TANC2: variants seen among roughly 807,000 people sequenced by gnomAD.
TANC2 encodes protein TANC2.
In TANC2, 26 loss-of-function variants were observed where a neutral mutation model predicts 210.5. The ratio of observed to expected loss-of-function variants is 0.12; its 90% CI spans 0.09 to 0.17. The LOEUF is 0.17. TANC2 is among the 10% of genes least tolerant of loss of function. TANC2 has a pLI of 1.00. For missense variants in TANC2, 2,129 were observed against 2,608.9 expected (o/e 0.82, Z 4.01); for synonymous variants, 931 against 967.1 (o/e 0.96, Z 0.69).
intron 4 of TANC2, among the ~76,000 whole-genome samples, chr17:63,113,442 C>G (rs561322772): frequency 6.6e-6 from 1 of 152,278 alleles, no homozygotes; most frequent in African/African-American, 2.4e-5. Flanking sequence ...GCATCCTTAC[C>G]TTGTCCGTCA....
At chr17:63,373,223 G>C (rs1211893008) in intron 14 of TANC2, among the ~76,000 whole-genome samples, 1 of 152,112 alleles carries the variant, frequency 6.6e-6, no homozygotes, top group Non-Finnish European at 1.5e-5. Flanking sequence ...TAAAGGGAAA[G>C]CATAGTTGTG....
At chr17:63,316,653 A>G (rs2045323370) in intron 10 of TANC2, among the ~76,000 whole-genome samples, 1 of 152,234 alleles carries the variant, frequency 6.6e-6, no homozygotes, top group South Asian at 2.1e-4. Context: ...AGGAGTTAAG[A>G]GAGCTAAATA....
chr17:63,147,906 G>A (rs376832394), intron 4 of TANC2, among the ~76,000 whole-genome samples: 4 of 152,140 alleles, frequency 2.6e-5, no homozygotes, highest in African/African-American at 7.2e-5. Flanking sequence ...ATATATGCAC[G>A]GTTCAGACTT....
chr17:63,061,344 G>A (rs561820867), intron 2 of TANC2, among the ~76,000 whole-genome samples: 3 of 151,244 alleles, frequency 2.0e-5, no homozygotes, highest in Admixed American at 2.0e-4. Flanking sequence ...TCCAGCCTGG[G>A]TGACAAGAGC....
chr17:63,013,013 T>C (rs944889048), intron 2 of TANC2, among the ~76,000 whole-genome samples: 1 of 152,146 alleles, frequency 6.6e-6, no homozygotes, highest in Non-Finnish European at 1.5e-5. Flanking sequence ...ACTTTACTTT[T>C]GTTTATCTGA....
At chr17:63,099,341 T>C (rs2037535003) in exon 4 of TANC2, 3 of 1,530,550 alleles carry the variant, frequency 2.0e-6, no homozygotes, top group Middle Eastern at 3.4e-4. Context: ...GGCTCCAGCC[T>C]GTGAAGAAGT....
chr17:63,368,001 A>T (rs1277139538), intron 14 of TANC2, among the ~76,000 whole-genome samples: 1 of 152,228 alleles, frequency 6.6e-6, no homozygotes, highest in East Asian at 1.9e-4. Context: ...AAGTTGGGCT[A>T]CTTATTAAGA....
intron 7 of TANC2, among the ~76,000 whole-genome samples, chr17:63,222,720 A>AACACACAC (rs58881477): frequency 8.1e-5 from 12 of 148,968 alleles, no homozygotes; most frequent in African/African-American, 2.7e-4. Context: ...AAACTGATTA[A>AACACACAC]ACACACACAC....
intron 7 of TANC2, among the ~76,000 whole-genome samples, chr17:63,208,117 G>T (rs1412990614): frequency 6.6e-6 from 1 of 151,868 alleles, no homozygotes; most frequent in Non-Finnish European, 1.5e-5. Flanking sequence ...TTTTTAATAG[G>T]AAGCCTTAAT....
At chr17:63,271,479 G>T (rs895010136) in intron 9 of TANC2, among the ~76,000 whole-genome samples, 5 of 143,020 alleles carry the variant, frequency 3.5e-5, no homozygotes, top group Admixed American at 2.8e-4. Context: ...TGGGATACAT[G>T]TGCAGAACAT....
At chr17:63,358,379 A>ATGTG (rs375498280) in intron 14 of TANC2, among the ~76,000 whole-genome samples, 44,921 of 139,536 alleles carry the variant, frequency 0.32, 7,181 homozygotes, top group Non-Finnish European at 0.35. Context: ...GAGAGAGAGT[A>ATGTG]TGTGTGTGTG....
chr17:63,040,363 A>G (rs1018983806), intron 2 of TANC2, among the ~76,000 whole-genome samples: 9 of 152,254 alleles, frequency 5.9e-5, no homozygotes, highest in African/African-American at 2.2e-4. Context: ...ACAGTATAGA[A>G]ACAATTGAGC....
intron 5 of TANC2, among the ~76,000 whole-genome samples, chr17:63,188,586 C>CAA (rs1046526941): frequency 3.7e-4 from 22 of 58,704 alleles, no homozygotes; most frequent in Admixed American, 5.7e-4. Context: ...AGACTCTGTC[C>CAA]AAAAAAAAAA....
intron 7 of TANC2, among the ~76,000 whole-genome samples, chr17:63,210,886 T>G (rs1458945571): frequency 6.6e-6 from 1 of 152,196 alleles, no homozygotes; most frequent in African/African-American, 2.4e-5. Flanking sequence ...CCTTGTAGTT[T>G]TTAATCTTTT....
At chr17:63,408,346 A>G (rs1047289877) in intron 21 of TANC2, among the ~76,000 whole-genome samples, 7 of 152,204 alleles carry the variant, frequency 4.6e-5, no homozygotes, top group Non-Finnish European at 7.3e-5. Context: ...AAGAAAAGAG[A>G]GAAGAGGAAG....
At chr17:63,331,151 A>G (rs1011108190) in intron 11 of TANC2, among the ~76,000 whole-genome samples, 6 of 152,236 alleles carry the variant, frequency 3.9e-5, no homozygotes, top group African/African-American at 1.2e-4. Flanking sequence ...CTTAGAAAAT[A>G]TGGTTTTTAA....
chr17:63,300,247 G>C (rs1290949833), intron 9 of TANC2, among the ~76,000 whole-genome samples: 3 of 152,094 alleles, frequency 2.0e-5, no homozygotes, highest in Non-Finnish European at 4.4e-5. Flanking sequence ...TTTTGCTTAG[G>C]ATTGTCTTGG....
At chr17:63,098,817 A>T (rs2037511697) in intron 3 of TANC2, among the ~76,000 whole-genome samples, 1 of 151,978 alleles carries the variant, frequency 6.6e-6, no homozygotes, top group Non-Finnish European at 1.5e-5. Context: ...ATTGCACACG[A>T]TGGCTTGCTA....
chr17:63,316,101 A>AGT (rs1242436122), intron 10 of TANC2, among the ~76,000 whole-genome samples: 1 of 152,220 alleles, frequency 6.6e-6, no homozygotes, highest in Non-Finnish European at 1.5e-5. Flanking sequence ...AAAATGAAGA[A>AGT]GTGTGACTAA....
Sources: gnomAD v4.1 joint callset for allele counts (sites outside exome capture counted in the v4.1 genomes callset) on GRCh38, gnomAD v4.1.1 for gene constraint, MANE v1.5 for transcripts, NCBI Gene and HGNC (gene_info 2026-07-23, HGNC 2026-07-21) for gene names.